The following KIRREL3 variants were observed in gnomAD, a reference collection of about 807,000 sequenced individuals.
The protein encoded by KIRREL3 is kin of IRRE-like protein 3.
A neutral mutation model predicts 89.7 loss-of-function variants in KIRREL3; 36 were observed. That is an observed-to-expected ratio of 0.40 (90% CI 0.31 to 0.53). KIRREL3 has a LOEUF of 0.53. KIRREL3 is among the 20% of genes least tolerant of loss of function. KIRREL3 has a pLI of 0.49. For synonymous variants in KIRREL3, 445 were observed against 441.4 expected, an observed-to-expected ratio of 1.01 and a Z score of -0.10; for missense variants, 864 against 1,056.6, an observed-to-expected ratio of 0.82 and a Z score of 2.53.
chr11:126,887,289 A>G (rs1007077075), intron 1 of KIRREL3, among the ~76,000 whole-genome samples: 1 of 152,190 alleles, frequency 6.6e-6, no homozygotes, highest in South Asian at 2.1e-4. Flanking sequence ...TAGAGCAAGC[A>G]TGCATTCATC....
At chr11:126,546,986 T>C (rs374230637) in intron 2 of KIRREL3, among the ~76,000 whole-genome samples, 1 of 152,270 alleles carries the variant, frequency 6.6e-6, no homozygotes, top group African/African-American at 2.4e-5. Flanking sequence ...ATTTGTTTGT[T>C]TGACCTCCAA....
rs1941284511 is a variant in KIRREL3 at position 126,576,938 on chromosome 11, G to A, written c.56-14026C>T. Among the ~76,000 whole-genome samples the A allele has an allele frequency of 6.6e-6, 1 of 152,158 alleles. No individual in the cohort carries two copies. Among genetic ancestry groups the A allele is most frequent in the Non-Finnish European group, 1.5e-5 (1 of 68,032 alleles). ...ATTTAGTCCACACTGTAACTGGGGA[G>A]GGAGTTGTTGCTTCCTGTGCTTCTC... On this transcript the variant is annotated intron_variant, in intron 1 of 16. Coordinates refer to ENST00000525144, the MANE Select transcript of KIRREL3 (RefSeq NM_032531.4). This position sits in a 1 kb window ranked among gnomAD's most constrained non-coding sequence, Gnocchi z 5.4.
rs1025675595 is a variant in KIRREL3 at position 126,521,908 on chromosome 11, T to C, written c.284-444A>G. Among the ~76,000 whole-genome samples, 7 of 152,074 alleles carry C rather than the reference T, an allele frequency of 4.6e-5. No individual in the cohort carries two copies. The highest frequency in any genetic ancestry group is 3.9e-4 in the Admixed American group (6 of 15,270). On this transcript the variant is annotated intron_variant, in intron 3 of 16. Coordinates refer to ENST00000525144, the MANE Select transcript of KIRREL3 (RefSeq NM_032531.4). This position sits in a 1 kb window ranked among gnomAD's most constrained non-coding sequence, Gnocchi z 4.1. ...TACAGACATGCACCACCACGTCGGC[T>C]AATTTTTTTATCTTTTGTAGAGATG...
At chr11:126,899,010 G>GC (rs1555079811) in intron 1 of KIRREL3, among the ~76,000 whole-genome samples, 2 of 24,316 alleles carry the variant, frequency 8.2e-5, no homozygotes, top group African/African-American at 1.5e-3. Context: ...AGGGGAGTTT[G>GC]GGGGGGGTCT....
intron 1 of KIRREL3, among the ~76,000 whole-genome samples, chr11:126,932,678 G>A (rs1010499511): frequency 6.6e-6 from 1 of 152,178 alleles, no homozygotes; most frequent in Non-Finnish European, 1.5e-5. Context: ...TCTTCGCATG[G>A]CCAGAATCCT....
chr11:126,613,499 C>T (rs1943215797), intron 1 of KIRREL3, among the ~76,000 whole-genome samples: 1 of 152,094 alleles, frequency 6.6e-6, no homozygotes, highest in South Asian at 2.1e-4. Context: ...AATTACCTCC[C>T]CCTGCTTGGA....
At chr11:126,433,416 C>T (rs1338375739) in intron 13 of KIRREL3, among the ~76,000 whole-genome samples, 3 of 152,166 alleles carry the variant, frequency 2.0e-5, no homozygotes, top group East Asian at 1.9e-4. Flanking sequence ...ATTTGCCCTC[C>T]GGCCAGAGGG....
chr11:126,925,520 G>A (rs1247438834), intron 1 of KIRREL3, among the ~76,000 whole-genome samples: 1 of 152,228 alleles, frequency 6.6e-6, no homozygotes, highest in African/African-American at 2.4e-5. Context: ...AGCTCAGTAT[G>A]AGGGCTGAGC....
Position 126,942,410 on chromosome 11 carries a change from C to T in KIRREL3, c.55+58045G>A, listed in dbSNP as rs1453167023. ...GCCCAATTCATACTGCCCACTGTAT[C>T]ACTCTGACAAGGTAACAAAGTGACC... is the stretch of plus-strand genomic sequence containing the variant. On this transcript the variant is annotated intron_variant, in intron 1 of 16. Coordinates refer to ENST00000525144, the MANE Select transcript of KIRREL3 (RefSeq NM_032531.4). Among the ~76,000 whole-genome samples the T allele has an allele frequency of 3.3e-5, 5 of 152,148 alleles. No individual in the cohort carries two copies. In the East Asian group the frequency reaches 9.7e-4, roughly 29 times the overall value.
At chr11:126,437,655 T>C (rs1955408122) in intron 11 of KIRREL3, among the ~76,000 whole-genome samples, 1 of 151,728 alleles carries the variant, frequency 6.6e-6, no homozygotes, top group Non-Finnish European at 1.5e-5. Context: ...GATACAGACA[T>C]GTACATACAC....
In KIRREL3 at chr11:126,515,191, T is replaced by A. The variant is rs1958370946; in HGVS notation, c.433+6124A>T. Among the ~76,000 whole-genome samples, 1 of 151,898 alleles carries A rather than the reference T, an allele frequency of 6.6e-6. No individual in the cohort carries two copies. Among genetic ancestry groups the A allele is most frequent in the Non-Finnish European group, 1.5e-5 (1 of 67,978 alleles). On this transcript the variant is annotated intron_variant, in intron 4 of 16. Coordinates refer to ENST00000525144, the MANE Select transcript of KIRREL3 (RefSeq NM_032531.4). This position sits in a 1 kb window ranked among gnomAD's most constrained non-coding sequence, Gnocchi z 4.2. ...AATCTCAGCATTTTAGGAGGCTGAGTTGGGTGGATCCCTTGAGCCCAGAAG... is the reference window on the plus strand; with the variant it reads ...AATCTCAGCATTTTAGGAGGCTGAGATGGGTGGATCCCTTGAGCCCAGAAG...
intron 1 of KIRREL3, among the ~76,000 whole-genome samples, chr11:126,804,617 G>A (rs561411087): frequency 2.6e-5 from 4 of 152,188 alleles, no homozygotes; most frequent in Non-Finnish European, 5.9e-5. Context: ...AAGTATATGA[G>A]TAAATATCTC....
chr11:126,941,542 C>T (rs923304105), intron 1 of KIRREL3, among the ~76,000 whole-genome samples: 3 of 152,198 alleles, frequency 2.0e-5, no homozygotes, highest in African/African-American at 2.4e-5. Flanking sequence ...CATAAACTGA[C>T]GTTGACATTC....
At chr11:126,591,626 G>T (rs1330908003) in intron 1 of KIRREL3, among the ~76,000 whole-genome samples, 1 of 152,190 alleles carries the variant, frequency 6.6e-6, no homozygotes, top group African/African-American at 2.4e-5. Context: ...GGGTGGTAGT[G>T]CTTCTAGAAG....
intron 1 of KIRREL3, among the ~76,000 whole-genome samples, chr11:126,833,300 C>CA (rs1276949710): frequency 3.9e-5 from 6 of 152,172 alleles, no homozygotes; most frequent in Non-Finnish European, 5.9e-5. Flanking sequence ...CCACACATTA[C>CA]AAAAAGGCAC....
intron 1 of KIRREL3, among the ~76,000 whole-genome samples, chr11:126,927,422 A>C (rs1947767970): frequency 6.6e-6 from 1 of 152,216 alleles, no homozygotes; most frequent in Non-Finnish European, 1.5e-5. Context: ...TCAACTTTGC[A>C]ATGCTAGGAG....
intron 1 of KIRREL3, among the ~76,000 whole-genome samples, chr11:126,735,820 C>T (rs1397964660): frequency 3.9e-5 from 6 of 152,174 alleles, no homozygotes; most frequent in East Asian, 1.9e-4. Flanking sequence ...TTCTCAGATA[C>T]GGCATTTATC....
intron 1 of KIRREL3, among the ~76,000 whole-genome samples, chr11:126,721,576 C>T (rs1200617961): frequency 1.3e-5 from 2 of 151,170 alleles, no homozygotes; most frequent in Non-Finnish European, 2.9e-5. Context: ...TAAGATAACA[C>T]ATGCAAGACA....
chr11:126,537,227 A>G lies in KIRREL3; in HGVS notation c.134-10540T>C, dbSNP rs1173195870. ...GCACACACCCGCCTGCATGCCTGTG[A>G]GTGTGGGCAGCCCAGCTGAAACCCT... On this transcript the variant is annotated intron_variant, in intron 2 of 16. Coordinates refer to ENST00000525144, the MANE Select transcript of KIRREL3 (RefSeq NM_032531.4). The surrounding 1 kb of genome is among the most constrained non-coding windows in gnomAD (Gnocchi z 4.3). Among the ~76,000 whole-genome samples, 3 of 152,274 alleles carry G rather than the reference A, an allele frequency of 2.0e-5. No homozygotes were observed. Among genetic ancestry groups the G allele is most frequent in the Non-Finnish European group, 2.9e-5 (2 of 68,014 alleles).
Sources: allele counts gnomAD v4.1 joint callset (sites outside exome capture counted in the v4.1 genomes callset), GRCh38; gene constraint gnomAD v4.1.1; non-coding constraint Gnocchi (gnomAD v3.1); transcripts MANE v1.5; gene names NCBI Gene and HGNC (gene_info 2026-07-23, HGNC 2026-07-21).